The following GLT1D1 variants were observed in gnomAD, a reference collection of about 807,000 sequenced individuals.
GLT1D1 encodes glycosyltransferase 1 domain-containing protein 1.
Under a neutral mutation model 28.7 loss-of-function variants are expected in GLT1D1, and 21 were observed. The ratio of observed to expected loss-of-function variants is 0.73; its 90% CI spans 0.52 to 1.05. The LOEUF (loss-of-function observed/expected upper bound fraction) is 1.05, where lower values mean the gene tolerates loss of function less well. Ranked by LOEUF, GLT1D1 falls within the 50% of genes least tolerant of loss-of-function variation. The pLI is 0.00. For missense variants in GLT1D1, 343 were observed against 330.6 expected, an observed-to-expected ratio of 1.04 and a Z score of -0.29; for synonymous variants, 147 against 124.8, an observed-to-expected ratio of 1.18 and a Z score of -1.19.
intron 3 of GLT1D1, among the ~76,000 whole-genome samples, chr12:128,890,506 G>A (rs1036019339): frequency 3.3e-5 from 5 of 152,180 alleles, no homozygotes; most frequent in East Asian, 1.9e-4. Context: ...AAATCAGGCC[G>A]GGCACGGTGA....
intron 6 of GLT1D1, among the ~76,000 whole-genome samples, chr12:128,955,136 C>T (rs957602144): frequency 6.6e-6 from 1 of 152,156 alleles, no homozygotes; most frequent in Admixed American, 6.5e-5. Flanking sequence ...GATTCACACC[C>T]AGGCAGGTCA....
intron 7 of GLT1D1, among the ~76,000 whole-genome samples, chr12:128,974,887 C>T (rs1879615671): frequency 6.6e-6 from 1 of 152,224 alleles, no homozygotes; most frequent in African/African-American, 2.4e-5. Flanking sequence ...AGGCCCTTGG[C>T]CAGAGGCCAG....
intron 1 of GLT1D1, among the ~76,000 whole-genome samples, chr12:128,867,559 T>C (rs1317324893): frequency 6.6e-6 from 1 of 151,972 alleles, no homozygotes; most frequent in Non-Finnish European, 1.5e-5. Context: ...TGAAAATGCA[T>C]GAGAGGTTCC....
At chr12:128,915,106 A>C in intron 4 of GLT1D1, 117 bp downstream of exon 6, 1 of 767,570 alleles carries the variant, frequency 1.3e-6, no homozygotes, top group East Asian at 2.7e-5. Context: ...AACAAGGTTC[A>C]TTTCCCTCTG....
chr12:128,980,009 T>C (rs1880166717), intron 7 of GLT1D1, among the ~76,000 whole-genome samples: 1 of 152,238 alleles, frequency 6.6e-6, no homozygotes, highest in South Asian at 2.1e-4. Context: ...TCTCACACCA[T>C]TGAAAAACTG....
At chr12:128,944,892 C>T (rs1015666884) in intron 4 of GLT1D1, 2 of 423,138 alleles carry the variant, frequency 4.7e-6, no homozygotes, top group Admixed American at 7.9e-5. Flanking sequence ...TGGTTTGCTG[C>T]ACCCATCAAC....
intron 1 of GLT1D1, among the ~76,000 whole-genome samples, chr12:128,866,357 C>T (rs1956518484): frequency 6.6e-6 from 1 of 152,094 alleles, no homozygotes; most frequent in African/African-American, 2.4e-5. Context: ...GTGTGAGGCA[C>T]TGCGCCCGGC....
chr12:128,978,452 C>A (rs1411400159), intron 7 of GLT1D1, among the ~76,000 whole-genome samples: 2 of 152,082 alleles, frequency 1.3e-5, no homozygotes, highest in Non-Finnish European at 2.9e-5. Context: ...GTCCTGAGGT[C>A]GGTGGGAATT....
intron 4 of GLT1D1, among the ~76,000 whole-genome samples, chr12:128,943,798 T>G (rs1875658024): frequency 6.6e-6 from 1 of 152,246 alleles, no homozygotes; most frequent in Non-Finnish European, 1.5e-5. Context: ...GCTTTCTTTC[T>G]GGTATTTTAT....
intron 4 of GLT1D1, among the ~76,000 whole-genome samples, chr12:128,936,396 C>A (rs61945031): frequency 6.6e-6 from 1 of 152,014 alleles, no homozygotes; most frequent in Non-Finnish European, 1.5e-5. Flanking sequence ...ACTGGTGATC[C>A]GCCTGTCTCG....
intron 4 of GLT1D1, among the ~76,000 whole-genome samples, chr12:128,929,204 A>G (rs116137533): frequency 0.016 from 2,368 of 152,338 alleles, 55 homozygotes; most frequent in African/African-American, 0.054. Context: ...CTCTGGAACC[A>G]TGAGCAGCAC....
intron 4 of GLT1D1, among the ~76,000 whole-genome samples, chr12:128,908,903 C>T (rs903240042): frequency 2.6e-5 from 4 of 152,148 alleles, no homozygotes; most frequent in Non-Finnish European, 4.4e-5. Flanking sequence ...GAGCCGAGAT[C>T]GCGCCCCTGC....
At chr12:128,874,608 A>G (rs1457721142) in intron 1 of GLT1D1, among the ~76,000 whole-genome samples, 2 of 151,190 alleles carry the variant, frequency 1.3e-5, no homozygotes, top group Non-Finnish European at 2.9e-5. Flanking sequence ...CAGTCTCCCA[A>G]GTAGCTAGGA....
intron 4 of GLT1D1, among the ~76,000 whole-genome samples, chr12:128,941,794 G>A (rs139096046): frequency 3.1e-4 from 47 of 151,340 alleles, no homozygotes; most frequent in East Asian, 1.9e-3. Flanking sequence ...GCCAGCAGGC[G>A]GGTCTCGAAC....
At chr12:128,869,756 C>A (rs1234397850) in intron 1 of GLT1D1, among the ~76,000 whole-genome samples, 2 of 151,952 alleles carry the variant, frequency 1.3e-5, no homozygotes, top group African/African-American at 4.8e-5. Context: ...AGATGGGCGT[C>A]CCCTCCTGTT....
In GLT1D1 at chr12:128,853,508, T is replaced by C. The variant is rs1956118351; in HGVS notation, c.-74T>C. 1 of 995,952 alleles carries C rather than the reference T, an allele frequency of 1.0e-6. No homozygotes were observed. Among genetic ancestry groups the C allele is most frequent in the African/African-American group, 1.8e-5 (1 of 57,082 alleles). The allele number at this position is 995,952 out of a possible 1,614,324, so 61.7% of individuals were successfully genotyped here. A position where few individuals can be genotyped will look rare whatever the true frequency, so the allele number is the denominator to read the frequency against. ...CCCAGCCGCCCCGGCTCCCCCGCCG[T>C]CCGCGTCTGCGCCGGCCCCGGGGCC... On this transcript the variant is annotated 5_prime_UTR_variant, in exon 1 of 8. Coordinates refer to ENST00000281703, the MANE Select transcript of GLT1D1 (RefSeq NM_144669.3).
Position 128,983,014 on chromosome 12 carries a change from T to C in GLT1D1, c.725T>C (p.Met242Thr). The C allele has an allele frequency of 6.2e-7, 1 of 1,613,984 alleles. No homozygotes were observed. Among genetic ancestry groups the C allele is most frequent in the Non-Finnish European group, 8.5e-7 (1 of 1,179,828 alleles). ...GTGAACGGAAGGGAATACGTGAGAA[T>C]GTATCATTCATGGCAGGTGGAAAGA... The change falls in exon 8 of 8, where the codon ATG (methionine) becomes ACG (threonine). Residue 242 changes from methionine to threonine, a missense_variant. Coordinates refer to ENST00000281703, the MANE Select transcript of GLT1D1 (RefSeq NM_144669.3). This position sits in a 1 kb window ranked among gnomAD's most constrained non-coding sequence, Gnocchi z 4.7.
intron 4 of GLT1D1, among the ~76,000 whole-genome samples, chr12:128,942,968 C>T (rs1423193940): frequency 7.2e-5 from 11 of 151,998 alleles, no homozygotes; most frequent in South Asian, 2.1e-4. Context: ...AGGATAGTCT[C>T]GATCTCCTGA....
At chr12:128,881,368 TAAAAATACAAA>T (rs922539930) in intron 2 of GLT1D1, among the ~76,000 whole-genome samples, 3 of 148,196 alleles carry the variant, frequency 2.0e-5, no homozygotes, top group Non-Finnish European at 4.5e-5. Context: ...CCGTCTCTAC[TAAAAATACAAA>T]AAAAATTAGC....
Sources: allele counts gnomAD v4.1 joint callset (sites outside exome capture counted in the v4.1 genomes callset), GRCh38; gene constraint gnomAD v4.1.1; non-coding constraint Gnocchi (gnomAD v3.1); transcripts MANE v1.5; gene names NCBI Gene and HGNC (gene_info 2026-07-23, HGNC 2026-07-21).